Variants in CCDC178 observed in about 807,000 individuals in gnomAD.
CCDC178 encodes the protein coiled-coil domain containing 178.
In CCDC178, 126 loss-of-function variants were observed where a neutral mutation model predicts 117.4. That is an observed-to-expected ratio of 1.07 (90% CI 0.93 to 1.24). The LOEUF (loss-of-function observed/expected upper bound fraction) is 1.24. Ranked by LOEUF, CCDC178 falls within the 50% of genes most tolerant of loss-of-function variation. The pLI, the probability that CCDC178 is intolerant of heterozygous loss-of-function variation, is 0.00. For missense variants in CCDC178, 1,030 were observed against 986.9 expected (o/e 1.04, Z -0.59); for synonymous variants, 283 against 313.4 (o/e 0.90, Z 1.02).
chr18:32,963,818 C>T (rs948995532), intron 22 of CCDC178, among the ~76,000 whole-genome samples: 1 of 151,972 alleles, frequency 6.6e-6, no homozygotes, highest in Admixed American at 6.6e-5. Flanking sequence ...ATGTCTTCTA[C>T]CTTTGGACCA....
At chr18:33,165,190 C>T (rs1163540394) in intron 20 of CCDC178, among the ~76,000 whole-genome samples, 3 of 151,742 alleles carry the variant, frequency 2.0e-5, no homozygotes, top group African/African-American at 7.3e-5. Context: ...AAAACAAAAA[C>T]AAAGACAAAA....
At chr18:33,285,394 A>G (rs1159610160) in intron 12 of CCDC178, among the ~76,000 whole-genome samples, 1 of 152,160 alleles carries the variant, frequency 6.6e-6, no homozygotes, top group African/African-American at 2.4e-5. Flanking sequence ...GTTCTATCAA[A>G]TTTTCAAGAG....
chr18:33,331,544 C>T (rs991400861), intron 10 of CCDC178, among the ~76,000 whole-genome samples: 5 of 152,064 alleles, frequency 3.3e-5, no homozygotes, highest in Admixed American at 1.3e-4. Context: ...AATAGACTAC[C>T]TATGTGAGGC....
At chr18:33,036,533 C>T (rs1404169157) in intron 21 of CCDC178, among the ~76,000 whole-genome samples, 1 of 151,772 alleles carries the variant, frequency 6.6e-6, no homozygotes, top group African/African-American at 2.4e-5. Flanking sequence ...TTGCACTGAG[C>T]CTCAAAGGAT....
At chr18:33,410,720 T>C (rs1460789726) in intron 3 of CCDC178, among the ~76,000 whole-genome samples, 1 of 152,176 alleles carries the variant, frequency 6.6e-6, no homozygotes, top group Non-Finnish European at 1.5e-5. Context: ...CAGTGTGACT[T>C]TGCAGCATCT....
chr18:33,399,704 C>T (rs59238505), intron 3 of CCDC178, among the ~76,000 whole-genome samples: 1 of 152,228 alleles, frequency 6.6e-6, no homozygotes, highest in Non-Finnish European at 1.5e-5. Flanking sequence ...TTGCTCTTTC[C>T]ACCACATCTT....
intron 11 of CCDC178, among the ~76,000 whole-genome samples, chr18:33,313,613 T>G (rs941548321): frequency 1.3e-5 from 2 of 152,186 alleles, no homozygotes; most frequent in African/African-American, 2.4e-5. Flanking sequence ...ATAACTGGGT[T>G]TGCAAAAGTA....
chr18:33,192,284 CA>C (rs1290805329), intron 20 of CCDC178, among the ~76,000 whole-genome samples: 1 of 152,030 alleles, frequency 6.6e-6, no homozygotes, highest in Non-Finnish European at 1.5e-5. Flanking sequence ...ATACATGCAG[CA>C]GCTAGATAAG....
chr18:33,425,443 T>C (rs897346396), intron 2 of CCDC178, among the ~76,000 whole-genome samples: 1 of 152,188 alleles, frequency 6.6e-6, no homozygotes, highest in Non-Finnish European at 1.5e-5. Context: ...ATTCTCTTTT[T>C]ATAGTCATTT....
intron 22 of CCDC178, among the ~76,000 whole-genome samples, chr18:32,949,209 C>T (rs367784142): frequency 3.7e-4 from 56 of 152,124 alleles, no homozygotes; most frequent in African/African-American, 1.3e-3. Context: ...AATTTCATTA[C>T]GATATGCCTT....
intron 20 of CCDC178, among the ~76,000 whole-genome samples, chr18:33,169,595 T>G (rs990651191): frequency 1.3e-5 from 2 of 152,192 alleles, no homozygotes; most frequent in Non-Finnish European, 2.9e-5. Flanking sequence ...AGAGGGGTGG[T>G]TGAATATCAT....
chr18:33,278,228 T>C (rs934429236), intron 12 of CCDC178, among the ~76,000 whole-genome samples: 3 of 4,092 alleles, frequency 7.3e-4, no homozygotes, highest in Admixed American at 4.9e-3. Context: ...CTAAAATACA[T>C]ACATATATAT....
intron 20 of CCDC178, among the ~76,000 whole-genome samples, chr18:33,111,949 C>G (rs1232689736): frequency 6.6e-6 from 1 of 151,232 alleles, no homozygotes; most frequent in Non-Finnish European, 1.5e-5. Flanking sequence ...TTTTATTTTC[C>G]TTGAACATTA....
intron 3 of CCDC178, among the ~76,000 whole-genome samples, chr18:33,410,105 C>A (rs559183704): frequency 6.6e-6 from 1 of 152,168 alleles, no homozygotes; most frequent in African/African-American, 2.4e-5. Context: ...TGCTTGCAAA[C>A]GAGTGTAGAC....
chr18:32,957,506 G>A (rs75210326), intron 22 of CCDC178, among the ~76,000 whole-genome samples: 2 of 152,094 alleles, frequency 1.3e-5, no homozygotes, highest in Non-Finnish European at 2.9e-5. Flanking sequence ...AGGGGCAAAC[G>A]ATGAGAAATT....
At chr18:33,003,789 G>A (rs1042715684) in intron 21 of CCDC178, among the ~76,000 whole-genome samples, 9 of 151,944 alleles carry the variant, frequency 5.9e-5, no homozygotes, top group South Asian at 4.2e-4. Flanking sequence ...ACCTAAAGAC[G>A]CCACCAAAAA....
Position 32,955,036 on chromosome 18 carries a change from A to G in CCDC178, c.2524-16945T>C, listed in dbSNP as rs149138677. Among the ~76,000 whole-genome samples, 1,130 of 152,290 alleles carry G rather than the reference A, an allele frequency of 7.4e-3. 9 individuals carry two copies. The highest frequency in any genetic ancestry group is 9.3e-3 in the Non-Finnish European group (631 of 68,006). ...GCTGTCCAAATTGAGTTCCTGCAAG[A>G]GCACCTTAATCAATTTCCTCAGTTC... On this transcript the variant is annotated intron_variant, in intron 22 of 22. Coordinates refer to ENST00000383096, the MANE Select transcript of CCDC178 (RefSeq NM_001105528.4).
At chr18:33,085,407 C>A (rs1223656987) in intron 21 of CCDC178, among the ~76,000 whole-genome samples, 1 of 151,902 alleles carries the variant, frequency 6.6e-6, no homozygotes, top group African/African-American at 2.4e-5. Flanking sequence ...ACTAAAAATA[C>A]AAAAAATTAG....
At chr18:33,173,312 A>T (rs772203890) in intron 20 of CCDC178, among the ~76,000 whole-genome samples, 1 of 152,146 alleles carries the variant, frequency 6.6e-6, no homozygotes, top group Non-Finnish European at 1.5e-5. Flanking sequence ...AGCCTCCCAA[A>T]GTGCTGGGAT....
Sources: gnomAD v4.1 joint callset for allele counts (sites outside exome capture counted in the v4.1 genomes callset) on GRCh38, gnomAD v4.1.1 for gene constraint, MANE v1.5 for transcripts, NCBI Gene and HGNC (gene_info 2026-07-23, HGNC 2026-07-21) for gene names.